Variants in CAMK1D observed in about 807,000 individuals in gnomAD.
CAMK1D encodes calcium/calmodulin dependent protein kinase ID.
A neutral mutation model predicts 47.7 loss-of-function variants in CAMK1D; 9 were observed. The observed-to-expected ratio is 0.19, with a 90% CI of 0.11 to 0.33. CAMK1D has a LOEUF of 0.33. CAMK1D is among the 10% of genes least tolerant of loss of function. The probability of loss-of-function intolerance (pLI) is 1.00; values close to 1 mark genes in which losing one functional copy is unlikely to be tolerated. For synonymous variants in CAMK1D, 184 were observed against 184.9 expected (o/e 0.99, Z 0.04); for missense variants, 291 against 488.7 (o/e 0.60, Z 3.81).
intron 3 of CAMK1D, among the ~76,000 whole-genome samples, chr10:12,728,164 G>C (rs1705350569): frequency 6.6e-6 from 1 of 152,210 alleles, no homozygotes; most frequent in Admixed American, 6.5e-5. Context: ...TTCCAGATTT[G>C]TCATGTGTGT....
At chr10:12,559,394 G>T (rs963655807) in intron 2 of CAMK1D, among the ~76,000 whole-genome samples, 3 of 152,104 alleles carry the variant, frequency 2.0e-5, no homozygotes, top group Admixed American at 6.5e-5. Context: ...AATTGAAAAA[G>T]CATCTCCCCC....
intron 2 of CAMK1D, among the ~76,000 whole-genome samples, chr10:12,586,453 G>GAAAAAAAAAAAAAAAAAAAAAA (rs201388483): frequency 9.0e-6 from 1 of 111,720 alleles, no homozygotes; most frequent in Non-Finnish European, 1.8e-5. Flanking sequence ...CCTCTCAAAA[G>GAAAAAAAAAAAAAAAAAAAAAA]AAAAAAAAAA....
intron 3 of CAMK1D, among the ~76,000 whole-genome samples, chr10:12,741,766 G>A (rs555628345): frequency 5.9e-5 from 9 of 152,278 alleles, no homozygotes; most frequent in African/African-American, 2.2e-4. Context: ...GCCAGGGAAG[G>A]GAATTGGGCC....
At chr10:12,723,211 G>A (rs1564517459) in intron 3 of CAMK1D, among the ~76,000 whole-genome samples, 2 of 152,122 alleles carry the variant, frequency 1.3e-5, no homozygotes, top group Non-Finnish European at 2.9e-5. Flanking sequence ...AAGGAGGCAG[G>A]CTGCAGTTTG....
At position 12,827,464 on chromosome 10, in the gene CAMK1D, G is replaced by GTCTT. The variant is rs1564594078; in HGVS notation, c.1040-1302_1040-1301insTTCT. Among the ~76,000 whole-genome samples, 24 of 5,992 alleles carry GTCTT rather than the reference G, an allele frequency of 4.0e-3. 7 individuals carry two copies. The highest frequency in any genetic ancestry group is 9.6e-3 in the Admixed American group (4 of 416). 3.9% of individuals were successfully genotyped at this position (5,992 alleles called of 152,430 possible). On this transcript the variant is annotated intron_variant, in intron 10 of 10. Coordinates refer to ENST00000619168, the MANE Select transcript of CAMK1D (RefSeq NM_153498.4). ...CTTTCTTTCTTTCTTTTCTTTCTTT[G>GTCTT]TCTGTCTGTCTTTCTTTCTTTCTTT...
At chr10:12,431,054 A>G (rs1424618564) in intron 1 of CAMK1D, among the ~76,000 whole-genome samples, 1 of 152,208 alleles carries the variant, frequency 6.6e-6, no homozygotes, top group East Asian at 1.9e-4. Flanking sequence ...CAGCTGATAC[A>G]TGTGATTATT....
At position 12,831,586 on chromosome 10, in the gene CAMK1D, CGTG is replaced by C. The variant is rs1470798529; in HGVS notation, c.*2703_*2705del. On this transcript the variant is annotated 3_prime_UTR_variant, in exon 11 of 11. Coordinates refer to ENST00000619168, the MANE Select transcript of CAMK1D (RefSeq NM_153498.4). Reference sequence around the variant, plus strand: ...AGTGCAGAACCTCTGAAAGGTGAGCCGTGGTGCAGGTGCCCCCCTCGCTGTTCG... The same window carrying C: ...AGTGCAGAACCTCTGAAAGGTGAGCCGTGCAGGTGCCCCCCTCGCTGTTCG... 4 of 152,220 alleles carry C rather than the reference CGTG, an allele frequency of 2.6e-5. No individual in the cohort carries two copies. The highest frequency in any genetic ancestry group is 5.9e-5 in the Non-Finnish European group (4 of 68,044). 9.4% of individuals were successfully genotyped at this position (152,220 alleles called of 1,614,324 possible). A position where few individuals can be genotyped will look rare whatever the true frequency, so the allele number is the denominator to read the frequency against.
intron 1 of CAMK1D, among the ~76,000 whole-genome samples, chr10:12,356,163 C>T (rs949254966): frequency 6.6e-6 from 1 of 151,846 alleles, no homozygotes; most frequent in Admixed American, 6.6e-5. Context: ...TGCCCGCCCC[C>T]ACCTCCCAAA....
At chr10:12,478,393 G>A (rs570380839) in intron 1 of CAMK1D, among the ~76,000 whole-genome samples, 2 of 151,702 alleles carry the variant, frequency 1.3e-5, no homozygotes, top group African/African-American at 2.4e-5. Context: ...CCCCAACCTC[G>A]TGGACTCAAG....
intron 2 of CAMK1D, among the ~76,000 whole-genome samples, chr10:12,572,872 A>G (rs1837370311): frequency 6.6e-6 from 1 of 152,132 alleles, no homozygotes; most frequent in South Asian, 2.1e-4. Context: ...GGCTCAAGCC[A>G]TCCTCCCACT....
At chr10:12,387,457 A>AT (rs1838563202) in intron 1 of CAMK1D, among the ~76,000 whole-genome samples, 1 of 92,558 alleles carries the variant, frequency 1.1e-5, no homozygotes, top group Non-Finnish European at 2.4e-5. Flanking sequence ...ATATATATAT[A>AT]TATATATAGA....
At chr10:12,579,746 G>T (rs139330298) in intron 2 of CAMK1D, among the ~76,000 whole-genome samples, 1 of 152,134 alleles carries the variant, frequency 6.6e-6, no homozygotes, top group African/African-American at 2.4e-5. Flanking sequence ...TTGTCTCTCT[G>T]TGCTCTTAGA....
intron 2 of CAMK1D, among the ~76,000 whole-genome samples, chr10:12,573,993 A>T (rs2132322054): frequency 6.6e-6 from 1 of 151,424 alleles, no homozygotes; most frequent in Middle Eastern, 3.4e-3. Context: ...TCTTTAAATT[A>T]TTTATATTGT....
At chr10:12,681,985 C>T (rs1178610002) in intron 3 of CAMK1D, among the ~76,000 whole-genome samples, 1 of 152,126 alleles carries the variant, frequency 6.6e-6, no homozygotes, top group Non-Finnish European at 1.5e-5. Context: ...TTTGGGAGGC[C>T]CAGGTGGGCA....
intron 3 of CAMK1D, among the ~76,000 whole-genome samples, chr10:12,752,535 A>G (rs1303771327): frequency 1.3e-5 from 2 of 152,200 alleles, no homozygotes; most frequent in Non-Finnish European, 2.9e-5. Context: ...GCCAGACTTC[A>G]CCACTACAGT....
At chr10:12,425,070 C>T (rs751215638) in intron 1 of CAMK1D, among the ~76,000 whole-genome samples, 7 of 152,172 alleles carry the variant, frequency 4.6e-5, no homozygotes, top group Non-Finnish European at 8.8e-5. Flanking sequence ...TCCAGCCACA[C>T]TGGACGGTGG....
At chr10:12,811,809 T>A (rs1832618841) in intron 6 of CAMK1D, among the ~76,000 whole-genome samples, 2 of 152,258 alleles carry the variant, frequency 1.3e-5, no homozygotes, top group Non-Finnish European at 2.9e-5. Context: ...TGTCTGCGTT[T>A]CCTAATATGC....
chr10:12,725,634 C>T (rs1459103409), intron 3 of CAMK1D, among the ~76,000 whole-genome samples: 2 of 152,210 alleles, frequency 1.3e-5, no homozygotes, highest in Non-Finnish European at 2.9e-5. Flanking sequence ...CTCATTTCGG[C>T]ATCTTGCAGG....
At chr10:12,758,017 A>AATTTTTGT (rs1175449471) in intron 3 of CAMK1D, among the ~76,000 whole-genome samples, 27 of 152,116 alleles carry the variant, frequency 1.8e-4, no homozygotes, top group African/African-American at 2.4e-5. Flanking sequence ...ATGCCCAGCT[A>AATTTTTGT]ATTTTTGTAT....
Sources: allele counts gnomAD v4.1 joint callset (sites outside exome capture counted in the v4.1 genomes callset), GRCh38; gene constraint gnomAD v4.1.1; transcripts MANE v1.5; gene names NCBI Gene and HGNC (gene_info 2026-07-23, HGNC 2026-07-21).